Variants in IST1 observed in about 807,000 individuals in gnomAD.
IST1 encodes IST1 factor associated with ESCRT-III, also known as IST1 homolog.
IST1 carries 23 observed loss-of-function variants against 37.0 expected under a neutral mutation model. That is an observed-to-expected ratio of 0.62 (90% CI 0.45 to 0.88). The LOEUF is 0.88. Among genes scored for constraint, IST1 ranks in the 40% least tolerant of loss-of-function variants. The pLI, the probability that IST1 is intolerant of heterozygous loss-of-function variation, is 0.00. For synonymous variants in IST1, 180 were observed against 161.7 expected (o/e 1.11, Z -0.86); for missense variants, 488 against 445.4 (o/e 1.10, Z -0.86).
rs368855289 is a variant in IST1, at chr16:71,918,814, G to A, written c.357+1680G>A. ...CATAAACAGAGTGATAAATTAATGTGAATAAAAAAATCTCTGTGTAGTATA... is the reference window on the plus strand; with the variant it reads ...CATAAACAGAGTGATAAATTAATGTAAATAAAAAAATCTCTGTGTAGTATA... On this transcript the variant is annotated intron_variant, in intron 4 of 9. Coordinates refer to ENST00000378799, the MANE Select transcript of IST1 (RefSeq NM_001270975.2). Among the ~76,000 whole-genome samples, 24 of 152,164 alleles carry A rather than the reference G, an allele frequency of 1.6e-4. 1 individual carries two copies. The highest frequency in any genetic ancestry group is 9.8e-4 in the Admixed American group (15 of 15,284).
chr16:71,927,052 G>A (rs894676409), intron 9 of IST1, among the ~76,000 whole-genome samples: 2 of 152,128 alleles, frequency 1.3e-5, no homozygotes, highest in Admixed American at 6.6e-5. Flanking sequence ...CTTATGAAAA[G>A]GAACAGTCGA....
At chr16:71,927,486 C>CAAAA (rs34382355) in intron 9 of IST1, 128 bp from the exon 10 acceptor site, 31 of 600,832 alleles carry the variant, frequency 5.2e-5, no homozygotes, top group African/African-American at 2.3e-4. Flanking sequence ...GAGACTGTCT[C>CAAAA]AAAAAAAAAA....
At chr16:71,894,845 A>C (rs2036930711), upstream of IST1, 2 of 1,534,180 alleles carry the variant, frequency 1.3e-6, no homozygotes, top group African/African-American at 2.7e-5. Context: ...ATGGTTTTCA[A>C]GTTAAAAACA....
At chr16:71,916,724 C>G (rs975272666) in intron 3 of IST1, 82 bp downstream of exon 3, 2 of 1,172,076 alleles carry the variant, frequency 1.7e-6, no homozygotes, top group South Asian at 1.5e-5. Flanking sequence ...CATTAAGGGA[C>G]TATTTCACAT....
chr16:71,924,322 A>T, intron 8 of IST1: 1 of 392,784 alleles, frequency 2.5e-6, no homozygotes, highest in South Asian at 1.9e-5. Context: ...TAAGAGTTCA[A>T]CATGGGGCTG....
intron 4 of IST1, among the ~76,000 whole-genome samples, chr16:71,917,525 G>T (rs2037491029): frequency 6.6e-6 from 1 of 152,142 alleles, no homozygotes; most frequent in African/African-American, 2.4e-5. Context: ...TAAGTGCTGG[G>T]GGTAACAGTG....
At chr16:71,906,545 C>T (rs530202266) in intron 1 of IST1, among the ~76,000 whole-genome samples, 27 of 151,760 alleles carry the variant, frequency 1.8e-4, no homozygotes, top group Non-Finnish European at 3.5e-4. Context: ...AAACTCCTGA[C>T]CCCAGGTGAT....
chr16:71,922,498 A>T lies in IST1; in HGVS notation c.577A>T (p.Thr193Ser). The T allele has an allele frequency of 1.2e-6, 2 of 1,614,126 alleles. No homozygotes were observed. Among genetic ancestry groups the T allele is most frequent in the East Asian group, 4.5e-5 (2 of 44,872 alleles). Residue 193 changes from threonine to serine, a missense_variant, in exon 7 of 10, where the codon ACA becomes TCA. Thr to Ser is a moderately conservative substitution (Grantham distance 58). This residue lies in a region of IST1 where 455 missense variants were observed against 386.2 expected (regional missense o/e 1.18). Coordinates refer to ENST00000378799, the MANE Select transcript of IST1 (RefSeq NM_001270975.2). ...VMAEAPPGVE[T>S]DLIDVGFTDD... ...GGCAGAAGCTCCTCCTGGGGTAGAG[A>T]CAGATCTTATTGATGTTGGATTCAC...
intron 4 of IST1, among the ~76,000 whole-genome samples, chr16:71,917,671 T>C (rs953229376): frequency 6.6e-6 from 1 of 152,212 alleles, no homozygotes; most frequent in Non-Finnish European, 1.5e-5. Context: ...TGTGTTGTTT[T>C]CTATTTTCTA....
chr16:71,912,149 C>T (rs999566922), intron 1 of IST1, among the ~76,000 whole-genome samples: 4 of 152,078 alleles, frequency 2.6e-5, no homozygotes, highest in Non-Finnish European at 4.4e-5. Flanking sequence ...CCAAATATTG[C>T]TTACCTTTTA....
intron 5 of IST1, chr16:71,921,126 T>C (rs1196464609): frequency 6.7e-6 from 4 of 597,846 alleles, no homozygotes; most frequent in Non-Finnish European, 1.2e-5. Flanking sequence ...CAGTATCATC[T>C]TTTGCCAGCA....
At position 71,915,651 on chromosome 16, in the gene IST1, C is replaced by G. The variant is rs2037451069; in HGVS notation, c.11C>G (p.Ser4Cys). Residue 4 changes from serine to cysteine, a missense_variant, in exon 2 of 10, where the codon TCT (serine) becomes TGT (cysteine). Ser to Cys is a moderately radical substitution (Grantham distance 112, BLOSUM62 -1). This residue lies in a region of IST1 where 33 missense variants were observed against 59.3 expected (regional missense o/e 0.56). Transcript: ENST00000378799. ...GAGGAACAGCACAGCATGCTGGGCT[C>G]TGGATTTAAAGCTGAGCGCTTAAGA... MLG[S>C]GFKAERLRVN... 1.2e-6 allele frequency: 2 copies of G among 1,612,022 alleles called. No homozygotes were observed. The highest frequency in any genetic ancestry group is 1.7e-5 in the Admixed American group (1 of 59,782).
At chr16:71,913,487 A>G (rs1294493431) in intron 1 of IST1, among the ~76,000 whole-genome samples, 1 of 152,014 alleles carries the variant, frequency 6.6e-6, no homozygotes, top group Admixed American at 6.6e-5. Flanking sequence ...ATTTACATGC[A>G]ATTAGCTCTT....
In IST1 at chr16:71,930,784, A is replaced by C. The variant is rs2037925182; in HGVS notation, c.*2971A>C. The C allele has an allele frequency of 6.6e-6, 1 of 152,194 alleles. No homozygotes were observed. Among genetic ancestry groups the C allele is most frequent in the South Asian group, 2.1e-4 (1 of 4,834 alleles). The allele number at this position is 152,194 out of a possible 1,614,324, so 9.4% of individuals were successfully genotyped here. On this transcript the variant is annotated 3_prime_UTR_variant, in exon 10 of 10. Transcript: ENST00000378799. ...CCCATAACAAAAACTGTTGTTTAAA[A>C]TTTAGATGTTCTTTTTCAACAAATG... is the stretch of plus-strand genomic sequence containing the variant.
At chr16:71,911,587 AATAG>A (rs759665839) in intron 1 of IST1, among the ~76,000 whole-genome samples, 5 of 152,162 alleles carry the variant, frequency 3.3e-5, no homozygotes, top group Non-Finnish European at 5.9e-5. Flanking sequence ...TATCCCATAA[AATAG>A]ATGTGTCTTA....
At position 71,928,101 on chromosome 16, in the gene IST1, C is replaced by G; in HGVS notation, c.*288C>G. On this transcript the variant is annotated 3_prime_UTR_variant, in exon 10 of 10. Coordinates refer to ENST00000378799, the MANE Select transcript of IST1 (RefSeq NM_001270975.2). Reference sequence around the variant, plus strand: ...TTTCCTCCTGGCCCGTCCCATGGTCCCTCCACAGGAGTGTGAGAGGATGGG... The same window carrying G: ...TTTCCTCCTGGCCCGTCCCATGGTCGCTCCACAGGAGTGTGAGAGGATGGG... The G allele has an allele frequency of 2.5e-6, 1 of 399,612 alleles. No homozygotes were observed. Among genetic ancestry groups the G allele is most frequent in the Non-Finnish European group, 4.7e-6 (1 of 212,226 alleles). The allele number at this position is 399,612 out of a possible 1,614,324, so 24.8% of individuals were successfully genotyped here. A position where few individuals can be genotyped will look rare whatever the true frequency, so the allele number is the denominator to read the frequency against.
chr16:71,904,161 G>T (rs575905408), intron 1 of IST1, among the ~76,000 whole-genome samples: 135 of 152,258 alleles, frequency 8.9e-4, no homozygotes, highest in Admixed American at 2.4e-3. Flanking sequence ...TTTCGCTGTT[G>T]TTGCCCAGGC....
chr16:71,907,768 C>G (rs2037259194), intron 1 of IST1, among the ~76,000 whole-genome samples: 2 of 152,182 alleles, frequency 1.3e-5, no homozygotes, highest in South Asian at 2.1e-4. Context: ...GGTGTTTAGT[C>G]CATACAGTTT....
chr16:71,923,796 A>G (rs2037669710), intron 8 of IST1, among the ~76,000 whole-genome samples: 1 of 152,194 alleles, frequency 6.6e-6, no homozygotes, highest in Non-Finnish European at 1.5e-5. Flanking sequence ...ATTGATCTTA[A>G]TCAGAAATGT....
Sources: gnomAD v4.1 joint callset for allele counts (sites outside exome capture counted in the v4.1 genomes callset) on GRCh38, gnomAD v4.1.1 for gene constraint, gnomAD v4.1.1 regional missense constraint, MANE v1.5 for transcripts, NCBI Gene and HGNC (gene_info 2026-07-23, HGNC 2026-07-21) for gene names.